APAF1: variants seen among roughly 807,000 people sequenced by gnomAD.
APAF1 encodes the protein apoptotic peptidase activating factor 1.
A neutral mutation model predicts 152.4 loss-of-function variants in APAF1; 91 were observed. The ratio of observed to expected loss-of-function variants is 0.60; its 90% CI spans 0.50 to 0.71. APAF1 has a LOEUF of 0.71. Among genes scored for constraint, APAF1 ranks in the 30% least tolerant of loss-of-function variants. The pLI, the probability that APAF1 is intolerant of heterozygous loss-of-function variation, is 0.00. For missense variants in APAF1, 1,283 were observed against 1,472.0 expected (o/e 0.87, Z 2.10); for synonymous variants, 484 against 494.1 (o/e 0.98, Z 0.27).
At chr12:98,667,752 T>A in intron 10 of APAF1, 108 bp downstream of exon 10, 1 of 975,028 alleles carries the variant, frequency 1.0e-6, no homozygotes, top group Non-Finnish European at 1.5e-6. Flanking sequence ...TTGTTCATAT[T>A]GCTTTCCATT....
rs577019185 is a variant in APAF1, at chr12:98,693,258, A to AT, written c.2305-6139dup. Reference sequence around the variant, plus strand: ...TTATTGATGTACAGAAATGCTGCTGATTTTTTTTTTTCTTAAATAGAAAAA... The same window carrying AT: ...TTATTGATGTACAGAAATGCTGCTGATTTTTTTTTTTTCTTAAATAGAAAAA... On this transcript the variant is annotated intron_variant, in intron 16 of 26. Transcript: ENST00000551964. Among the ~76,000 whole-genome samples the AT allele has an allele frequency of 4.5e-3, 665 of 146,982 alleles. 3 individuals carry two copies. The highest frequency in any genetic ancestry group is 6.0e-3 in the African/African-American group (243 of 40,168).
chr12:98,703,650 A>G, intron 18 of APAF1, 151 bp downstream of exon 18: 3 of 910,644 alleles, frequency 3.3e-6, no homozygotes, highest in Non-Finnish European at 5.1e-6. Context: ...TAACTTTGGG[A>G]TATTAAACCA....
At chr12:98,713,332 CTA>C (rs2097730255) in intron 21 of APAF1, among the ~76,000 whole-genome samples, 2 of 152,312 alleles carry the variant, frequency 1.3e-5, no homozygotes, top group South Asian at 4.1e-4. Flanking sequence ...ATTTCGCTAA[CTA>C]TGCAAAGAGC....
chr12:98,703,380 A>G lies in APAF1; in HGVS notation c.2476A>G (p.Ile826Val), dbSNP rs746413382. The change falls in exon 18 of 27, where the codon ATT (isoleucine) becomes GTT (valine). Residue 826 changes from isoleucine to valine, a missense_variant. Transcript: ENST00000551964. ...AAKNKIFLFD[I>V]HTSGLLGEIH... The stretch of plus-strand genomic sequence containing the variant: ...CTATTTATGTTGACAGCTTTTTGAC[A>G]TTCATACTAGTGGCCTATTGGGAGA... The G allele has an allele frequency of 1.2e-6, 2 of 1,614,142 alleles. No individual in the cohort carries two copies. The highest frequency in any genetic ancestry group is 1.1e-5 in the South Asian group (1 of 91,080).
At chr12:98,660,196 A>G (rs896160285) in intron 5 of APAF1, among the ~76,000 whole-genome samples, 1 of 152,050 alleles carries the variant, frequency 6.6e-6, no homozygotes, top group African/African-American at 2.4e-5. Flanking sequence ...AAATACAAAA[A>G]TTAATCTGGT....
At chr12:98,689,015 A>G (rs556051078) in intron 16 of APAF1, among the ~76,000 whole-genome samples, 37 of 151,850 alleles carry the variant, frequency 2.4e-4, no homozygotes, top group African/African-American at 5.6e-4. Flanking sequence ...GGTTTTGCCT[A>G]TGTTTCCCAG....
chr12:98,712,173 A>T, intron 20 of APAF1, 146 bp from the exon 21 acceptor site: 1 of 682,438 alleles, frequency 1.5e-6, no homozygotes, highest in South Asian at 1.5e-5. Flanking sequence ...AGCTGCTAAG[A>T]CTAGGATATG....
intron 24 of APAF1, 118 bp downstream of exon 24, chr12:98,723,882 G>C: frequency 8.8e-7 from 1 of 1,131,780 alleles, no homozygotes; most frequent in African/African-American, 1.5e-5. Context: ...TTCATATTTT[G>C]TGATCTTTTG....
At chr12:98,681,541 A>G (rs1415933774) in intron 14 of APAF1, among the ~76,000 whole-genome samples, 1 of 152,138 alleles carries the variant, frequency 6.6e-6, no homozygotes. Flanking sequence ...GGAGTACTGG[A>G]TGTAGCTAGG....
At chr12:98,719,844 C>A (rs1397915080) in intron 22 of APAF1, among the ~76,000 whole-genome samples, 1 of 151,918 alleles carries the variant, frequency 6.6e-6, no homozygotes, top group Non-Finnish European at 1.5e-5. Context: ...TTATTATATT[C>A]TTTTATTTAG....
Position 98,734,584 on chromosome 12 carries a change from G to C in APAF1, c.*2018G>C, listed in dbSNP as rs570134342. On this transcript the variant is annotated 3_prime_UTR_variant, in exon 27 of 27. Coordinates refer to ENST00000551964, the MANE Select transcript of APAF1 (RefSeq NM_181861.2). Reference sequence around the variant, plus strand: ...AGGTCGGGGAGAGGGTAAGGGAATAGATCACTCAGATGTATTTTAGATAAG... The same window carrying C: ...AGGTCGGGGAGAGGGTAAGGGAATACATCACTCAGATGTATTTTAGATAAG... 6.5e-6 allele frequency: 1 copy of C among 152,712 alleles called. No homozygotes were observed. Among genetic ancestry groups the C allele is most frequent in the East Asian group, 1.9e-4 (1 of 5,182 alleles). The allele number at this position is 152,712 out of a possible 1,614,324, so 9.5% of individuals were successfully genotyped here.
intron 13 of APAF1, among the ~76,000 whole-genome samples, chr12:98,678,048 C>G (rs1207046662): frequency 6.6e-6 from 1 of 151,802 alleles, no homozygotes; most frequent in Non-Finnish European, 1.5e-5. Context: ...TGTTTGTGTT[C>G]TGCCTTTTGA....
At chr12:98,655,728 C>CT (rs1427621061) in intron 4 of APAF1, among the ~76,000 whole-genome samples, 1 of 152,056 alleles carries the variant, frequency 6.6e-6, no homozygotes, top group Non-Finnish European at 1.5e-5. Context: ...ATCCTCCCAC[C>CT]TCAGCCTCCT....
intron 26 of APAF1, among the ~76,000 whole-genome samples, chr12:98,730,181 T>C (rs1204437315): frequency 6.6e-6 from 1 of 152,234 alleles, no homozygotes; most frequent in Non-Finnish European, 1.5e-5. Flanking sequence ...TACAAAATGT[T>C]GCATTAACCT....
At chr12:98,708,841 A>G (rs2097724692) in intron 20 of APAF1, 137 bp downstream of exon 20, 2 of 803,802 alleles carry the variant, frequency 2.5e-6, no homozygotes, top group Non-Finnish European at 3.9e-6. Context: ...AGTTAAATAA[A>G]TATATATAAG....
intron 9 of APAF1, among the ~76,000 whole-genome samples, 178 bp downstream of exon 9, chr12:98,666,535 A>G (rs1452207856): frequency 6.6e-6 from 1 of 152,222 alleles, no homozygotes; most frequent in Non-Finnish European, 1.5e-5. Context: ...ATTAACATTG[A>G]TACAATACTG....
chr12:98,688,262 ACTGT>A (rs1034749945), intron 16 of APAF1, among the ~76,000 whole-genome samples: 1 of 151,922 alleles, frequency 6.6e-6, no homozygotes, highest in African/African-American at 2.4e-5. Flanking sequence ...CTGTTTATTG[ACTGT>A]CCTTTCTTTC....
At chr12:98,672,736 A>C (rs2288730) in intron 12 of APAF1, among the ~76,000 whole-genome samples, 12,786 of 151,850 alleles carry the variant, frequency 0.084, 720 homozygotes, top group East Asian at 0.25. Context: ...TTATAAGGTA[A>C]ATTTTATTTT....
At chr12:98,684,896 G>C (rs2097696355) in intron 15 of APAF1, among the ~76,000 whole-genome samples, 1 of 152,172 alleles carries the variant, frequency 6.6e-6, no homozygotes, top group Admixed American at 6.5e-5. Flanking sequence ...TTTACTTTAA[G>C]ATGTGCTATA....
Sources: gnomAD v4.1 joint callset for allele counts (sites outside exome capture counted in the v4.1 genomes callset) on GRCh38, gnomAD v4.1.1 for gene constraint, MANE v1.5 for transcripts, NCBI Gene and HGNC (gene_info 2026-07-23, HGNC 2026-07-21) for gene names.